The following IQCH variants were observed in gnomAD, a reference collection of about 807,000 sequenced individuals.
IQCH encodes the protein IQ motif containing H.
In IQCH, 98 loss-of-function variants were observed where a neutral mutation model predicts 117.0. The ratio of observed to expected loss-of-function variants is 0.84; its 90% confidence interval spans 0.71 to 0.99. The LOEUF is 0.99. Ranked by LOEUF, IQCH falls within the 50% of genes least tolerant of loss-of-function variation. The pLI is 0.00. For synonymous variants in IQCH, 412 were observed against 448.2 expected (o/e 0.92, Z 1.02); for missense variants, 1,102 against 1,243.8 (o/e 0.89, Z 1.72).
At position 67,364,305 on chromosome 15, in the gene IQCH, TA is replaced by T. The variant is rs1170461350; in HGVS notation, c.753+4425del. ...GTTTTGATTTGCATGTAGAATCTTT[TA>T]AAAAGAGTTACCATTTTCTCTAATT... On this transcript the variant is annotated intron_variant, in intron 8 of 20. Transcript: ENST00000335894. The surrounding 1 kb of genome is among the most constrained non-coding windows in gnomAD (Gnocchi z 4.1). 6.6e-6 allele frequency among the ~76,000 whole-genome samples: 1 copy of T among 152,228 alleles called. No homozygotes were observed. Among genetic ancestry groups the T allele is most frequent in the Non-Finnish European group, 1.5e-5 (1 of 68,046 alleles).
intron 4 of IQCH, among the ~76,000 whole-genome samples, chr15:67,279,790 C>T (rs1674640096): frequency 6.6e-6 from 1 of 152,094 alleles, no homozygotes; most frequent in African/African-American, 2.4e-5. Context: ...ATCACAAGGT[C>T]AGGAGATCAA....
intron 13 of IQCH, among the ~76,000 whole-genome samples, chr15:67,399,576 C>G (rs1291376107): frequency 1.3e-5 from 2 of 152,188 alleles, no homozygotes; most frequent in African/African-American, 4.8e-5. Context: ...TTATATCACA[C>G]ATATACTAAA....
chr15:67,386,356 C>T lies in IQCH; in HGVS notation c.1456+1337C>T, dbSNP rs1297222465. Among the ~76,000 whole-genome samples, 1 of 152,044 alleles carries T rather than the reference C, an allele frequency of 6.6e-6. No homozygotes were observed. Among genetic ancestry groups the T allele is most frequent in the Admixed American group, 6.6e-5 (1 of 15,246 alleles). The stretch of plus-strand genomic sequence containing the variant: ...AACTCAATAATTCAGTCTGTCTCTA[C>T]CTGCAATGGAATATTTTGCTTATAT... On this transcript the variant is annotated intron_variant, in intron 11 of 20. Coordinates refer to ENST00000335894, the MANE Select transcript of IQCH (RefSeq NM_001031715.3). This position sits in a 1 kb window ranked among gnomAD's most constrained non-coding sequence, Gnocchi z 5.0.
At chr15:67,260,927 C>T (rs920899391) in intron 1 of IQCH, among the ~76,000 whole-genome samples, 1 of 151,936 alleles carries the variant, frequency 6.6e-6, no homozygotes, top group Non-Finnish European at 1.5e-5. Flanking sequence ...GAAAGCCCGT[C>T]TCTACTAAAA....
At chr15:67,348,995 A>C (rs917262416) in intron 6 of IQCH, among the ~76,000 whole-genome samples, 1 of 152,266 alleles carries the variant, frequency 6.6e-6, no homozygotes. Context: ...TGCAAAGGCA[A>C]TTCAATGGAG....
In IQCH at chr15:67,501,229, T is replaced by C. The variant is rs1360038119; in HGVS notation, c.*483T>C. The C allele has an allele frequency of 6.6e-6, 1 of 152,248 alleles. No individual in the cohort carries two copies. The highest frequency in any genetic ancestry group is 1.5e-5 in the Non-Finnish European group (1 of 68,040). The allele number at this position is 152,248 out of a possible 1,614,324, so 9.4% of individuals were successfully genotyped here. A position where few individuals can be genotyped will look rare whatever the true frequency, so the allele number is the denominator to read the frequency against. ...TTTTTTTCAAAGCTTCAAATTATAT[T>C]GAAATTATATTTATATGAATTTTTA... On this transcript the variant is annotated 3_prime_UTR_variant, in exon 21 of 21. Transcript: ENST00000335894. This position sits in a 1 kb window ranked among gnomAD's most constrained non-coding sequence, Gnocchi z 5.2.
rs974325177 is a variant in IQCH, at chr15:67,472,846, C to T, written c.2677-2850C>T. 2.0e-5 allele frequency among the ~76,000 whole-genome samples: 3 copies of T among 152,314 alleles called. No homozygotes were observed. The highest frequency in any genetic ancestry group is 7.2e-5 in the African/African-American group (3 of 41,572). On this transcript the variant is annotated intron_variant, in intron 17 of 20. Coordinates refer to ENST00000335894, the MANE Select transcript of IQCH (RefSeq NM_001031715.3). The surrounding 1 kb of genome is among the most constrained non-coding windows in gnomAD (Gnocchi z 4.3). ...GTACCAAATATCCTGGCTCTTCCTT[C>T]AGATTCTTTATGCATCACAAACCCC...
At position 67,499,297 on chromosome 15, in the gene IQCH, CAAAAAAAAA is replaced by C. The variant is rs59618730; in HGVS notation, c.2971-1319_2971-1311del. On this transcript the variant is annotated intron_variant, in intron 20 of 20. Transcript: ENST00000335894. ...TTTGGTGATAGAGCAAGACCTGTCC[CAAAAAAAAA>C]AAAAAAAAAAAAAAAAGATGTACAA... Among the ~76,000 whole-genome samples, 15 of 49,162 alleles carry C rather than the reference CAAAAAAAAA, an allele frequency of 3.1e-4. 1 individual carries two copies. Among genetic ancestry groups the C allele is most frequent in the African/African-American group, 8.3e-4 (10 of 12,000 alleles). The allele number at this position is 49,162 out of a possible 152,430, so 32.3% of individuals were successfully genotyped here.
At chr15:67,410,472 A>T (rs1346031395) in intron 14 of IQCH, among the ~76,000 whole-genome samples, 5 of 152,212 alleles carry the variant, frequency 3.3e-5, no homozygotes, top group Non-Finnish European at 7.3e-5. Flanking sequence ...TCAAGGCAAT[A>T]GGAAGAGAGA....
At chr15:67,421,841 G>A (rs553047966) in intron 16 of IQCH, among the ~76,000 whole-genome samples, 17 of 152,324 alleles carry the variant, frequency 1.1e-4, no homozygotes, top group African/African-American at 4.1e-4. Flanking sequence ...GCTTACACCT[G>A]TAATCCCAGC....
Position 67,344,134 on chromosome 15 carries a change from A to G in IQCH, c.580A>G (p.Thr194Ala), listed in dbSNP as rs763465278. ...GATTACCTTTCAGAATCCACCCATT[A>G]CACCCAGAGCAGCTCCTCTGCATAG... is the stretch of plus-strand genomic sequence containing the variant. ...ARITFQNPPI[T>A]PRAAPLHSFD... is the part of the protein sequence containing the mutation. The change falls in exon 6 of 21, where the codon ACA (threonine) becomes GCA (alanine). Residue 194 changes from threonine to alanine, a missense_variant. Coordinates refer to ENST00000335894, the MANE Select transcript of IQCH (RefSeq NM_001031715.3). 1 of 1,613,806 alleles carries G rather than the reference A, an allele frequency of 6.2e-7. No individual in the cohort carries two copies. Among genetic ancestry groups the G allele is most frequent in the Non-Finnish European group, 8.5e-7 (1 of 1,179,746 alleles).
chr15:67,388,838 T>G lies in IQCH; in HGVS notation c.1464T>G (p.Asn488Lys). 6.2e-7 allele frequency: 1 copy of G among 1,612,916 alleles called. No homozygotes were observed. The highest frequency in any genetic ancestry group is 8.5e-7 in the Non-Finnish European group (1 of 1,179,074). The change falls in exon 12 of 21, where the codon AAT becomes AAG. Residue 488 changes from asparagine to lysine, a missense_variant. By Grantham distance (94) the Asn-to-Lys change is moderately conservative. This residue lies in a region of IQCH where 650 missense variants were observed against 794.3 expected (regional missense o/e 0.82). Coordinates refer to ENST00000335894, the MANE Select transcript of IQCH (RefSeq NM_001031715.3). This position sits in a 1 kb window ranked among gnomAD's most constrained non-coding sequence, Gnocchi z 5.5. ...TGTGCCTGTTGTTTTTAGATGCCAA[T>G]GTGAATGTCATCTACATCTGCTCCC... ...LGRLCDILDANVNVIYICSHH... is the reference protein window; with the variant it reads ...LGRLCDILDAKVNVIYICSHH...
intron 14 of IQCH, among the ~76,000 whole-genome samples, chr15:67,410,164 G>A (rs1766180727): frequency 6.6e-6 from 1 of 152,204 alleles, no homozygotes; most frequent in Non-Finnish European, 1.5e-5. Flanking sequence ...GGATACACAG[G>A]TTGATTCCCC....
intron 4 of IQCH, among the ~76,000 whole-genome samples, chr15:67,282,775 T>C (rs973579977): frequency 6.6e-6 from 1 of 152,222 alleles, no homozygotes; most frequent in Non-Finnish European, 1.5e-5. Context: ...CCCAGTCACT[T>C]CTTTAAGCTC....
At chr15:67,398,198 A>T (rs1971530525) in intron 13 of IQCH, among the ~76,000 whole-genome samples, 2 of 152,168 alleles carry the variant, frequency 1.3e-5, no homozygotes, top group Admixed American at 6.5e-5. Context: ...TGTAATTTTT[A>T]AAAAATCTAT....
chr15:67,363,216 T>A (rs1003384459), intron 8 of IQCH, among the ~76,000 whole-genome samples: 6 of 151,048 alleles, frequency 4.0e-5, no homozygotes, highest in African/African-American at 1.5e-4. Context: ...GGAATCTTTT[T>A]TAAAAAACAC....
At chr15:67,423,995 G>A (rs1235830453) in intron 16 of IQCH, among the ~76,000 whole-genome samples, 1 of 152,170 alleles carries the variant, frequency 6.6e-6, no homozygotes, top group African/African-American at 2.4e-5. Context: ...TTGGTATAAG[G>A]AAACTTGCAC....
At position 67,395,427 on chromosome 15, in the gene IQCH, T is replaced by C. The variant is rs1251740192; in HGVS notation, c.1769T>C (p.Met590Thr). 3 of 1,614,014 alleles carry C rather than the reference T, an allele frequency of 1.9e-6. No homozygotes were observed. Among genetic ancestry groups the C allele is most frequent in the Non-Finnish European group, 1.7e-6 (2 of 1,179,958 alleles). Residue 590 changes from methionine to threonine, a missense_variant, in exon 13 of 21, where the codon ATG (methionine) becomes ACG (threonine). Met to Thr is a moderately conservative substitution (Grantham distance 81). This residue lies in a region of IQCH where 650 missense variants were observed against 794.3 expected (regional missense o/e 0.82). Coordinates refer to ENST00000335894, the MANE Select transcript of IQCH (RefSeq NM_001031715.3). This position sits in a 1 kb window ranked among gnomAD's most constrained non-coding sequence, Gnocchi z 4.0. ...LHRDDLAVAD[M>T]LDIPILGSEP... ...AGAGATGATTTAGCTGTGGCCGATATGTTAGACATACCCATCCTGGGCTCT... is the reference window on the plus strand; with the variant it reads ...AGAGATGATTTAGCTGTGGCCGATACGTTAGACATACCCATCCTGGGCTCT...
At chr15:67,333,217 C>G (rs964784673) in intron 4 of IQCH, among the ~76,000 whole-genome samples, 2 of 152,202 alleles carry the variant, frequency 1.3e-5, no homozygotes, top group Non-Finnish European at 2.9e-5. Context: ...AGGAGGGACA[C>G]TAACTTTCAG....
Sources: allele counts gnomAD v4.1 joint callset (sites outside exome capture counted in the v4.1 genomes callset), GRCh38; gene constraint gnomAD v4.1.1; regional missense constraint gnomAD v4.1.1; non-coding constraint Gnocchi (gnomAD v3.1); transcripts MANE v1.5; gene names NCBI Gene and HGNC (gene_info 2026-07-23, HGNC 2026-07-21).